Variants in GABPB1 observed in about 807,000 individuals in gnomAD.
GABPB1 encodes the protein GA binding protein transcription factor subunit beta 1.
GABPB1 carries 15 observed loss-of-function variants against 45.9 expected under a neutral mutation model. The observed-to-expected ratio is 0.33, with a 90% CI of 0.22 to 0.50. The LOEUF is 0.50. GABPB1 is among the 20% of genes least tolerant of loss of function. The pLI, the probability that GABPB1 is intolerant of heterozygous loss-of-function variation, is 0.98. For missense variants in GABPB1, 252 were observed against 457.5 expected (o/e 0.55, Z 4.10); for synonymous variants, 143 against 154.4 (o/e 0.93, Z 0.55).
intron 1 of GABPB1, among the ~76,000 whole-genome samples, chr15:50,310,933 T>C (rs533305174): frequency 1.0e-4 from 15 of 148,204 alleles, no homozygotes; most frequent in African/African-American, 3.3e-4. Context: ...GCCGAGATCA[T>C]GCCACTGCAC....
intron 1 of GABPB1, chr15:50,353,411 G>A (rs2048934568): frequency 6.6e-6 from 1 of 151,928 alleles, no homozygotes; most frequent in East Asian, 1.9e-4. Flanking sequence ...AAAAAAGTAT[G>A]AGTGTACAGT....
At chr15:50,295,619 C>CA (rs11356695) in intron 6 of GABPB1, among the ~76,000 whole-genome samples, 26,516 of 136,124 alleles carry the variant, frequency 0.19, 2,489 homozygotes, top group Middle Eastern at 0.24. Flanking sequence ...CTGTAATTCC[C>CA]AAAAAAAAAA....
chr15:50,320,606 A>T (rs1363769548), intron 1 of GABPB1, among the ~76,000 whole-genome samples: 1 of 152,216 alleles, frequency 6.6e-6, no homozygotes, highest in African/African-American at 2.4e-5. Flanking sequence ...GATCCTGTGA[A>T]TATGCTACCT....
chr15:50,289,520 A>C lies in GABPB1; in HGVS notation c.846T>G (p.Gly282=). ...CTGGCATGGTCACAATGATGGGCTG[A>C]CCAATTCCACTGGTTGGAATAGAGT... ...NLHSIPTSGI[G]QPIIVTMPDG... Residue 282 remains glycine (G), a synonymous_variant, in exon 7 of 9, where the codon GGT becomes GGG. Transcript: ENST00000380877. The C allele has an allele frequency of 3.1e-6, 5 of 1,613,442 alleles. No homozygotes were observed. Among genetic ancestry groups the C allele is most frequent in the Non-Finnish European group, 4.2e-6 (5 of 1,179,680 alleles).
chr15:50,283,151 A>G (rs1442306318), intron 8 of GABPB1, among the ~76,000 whole-genome samples: 1 of 152,238 alleles, frequency 6.6e-6, no homozygotes, highest in Non-Finnish European at 1.5e-5. Flanking sequence ...AGTAAGTAAT[A>G]GAAATCTGTT....
intron 8 of GABPB1, among the ~76,000 whole-genome samples, chr15:50,284,851 TGTTA>T (rs1209043130): frequency 2.6e-5 from 4 of 152,254 alleles, no homozygotes; most frequent in African/African-American, 7.2e-5. Flanking sequence ...ATGGAAAAAT[TGTTA>T]GTTTGTGAAT....
Position 50,355,166 on chromosome 15 carries a change from C to G in GABPB1, c.-182G>C, listed in dbSNP as rs894550970. 6.5e-6 allele frequency: 1 copy of G among 153,220 alleles called. No homozygotes were observed. The allele number at this position is 153,220 out of a possible 1,614,324, so 9.5% of individuals were successfully genotyped here. ...GCCCAAAATCCCCACCGAAAAGTCC[C>G]CCGTGCTGCGCGCGGAGGGACACAT... On this transcript the variant is annotated 5_prime_UTR_variant, in exon 1 of 9. Transcript: ENST00000380877.
intron 1 of GABPB1, chr15:50,327,100 G>A (rs532318368): frequency 6.6e-6 from 1 of 152,114 alleles, no homozygotes. Context: ...GGCTTGAAAA[G>A]AGTGCAAGTA....
At chr15:50,301,125 G>C in intron 5 of GABPB1, 132 bp downstream of exon 5, 1 of 1,281,908 alleles carries the variant, frequency 7.8e-7, no homozygotes, top group Non-Finnish European at 1.1e-6. Context: ...GTGGCTGATA[G>C]AATCTTACCC....
At chr15:50,300,694 C>T in intron 6 of GABPB1, 95 bp downstream of exon 6, 1 of 738,246 alleles carries the variant, frequency 1.4e-6, no homozygotes, top group South Asian at 1.5e-5. Context: ...ATCCACCCGC[C>T]TCGCCCTCCC....
chr15:50,350,366 G>A (rs553913478), intron 1 of GABPB1: 1 of 145,174 alleles, frequency 6.9e-6, no homozygotes, highest in African/African-American at 2.6e-5. Context: ...ACTGCATCTA[G>A]TATGCTCACA....
At chr15:50,335,849 T>A (rs1008553594) in intron 1 of GABPB1, among the ~76,000 whole-genome samples, 1 of 133,188 alleles carries the variant, frequency 7.5e-6, no homozygotes. Flanking sequence ...TGAGCCGAGA[T>A]CATGGTGCTG....
intron 1 of GABPB1, among the ~76,000 whole-genome samples, chr15:50,336,636 T>C (rs1347191084): frequency 2.0e-5 from 3 of 151,300 alleles, no homozygotes; most frequent in Non-Finnish European, 4.4e-5. Flanking sequence ...TGAGCCATGT[T>C]CATGCCACTG....
chr15:50,300,682 C>A, intron 6 of GABPB1, 107 bp downstream of exon 6: 1 of 673,914 alleles, frequency 1.5e-6, no homozygotes. Flanking sequence ...TGAGCTCAGG[C>A]AATCCACCCG....
intron 6 of GABPB1, among the ~76,000 whole-genome samples, chr15:50,297,293 A>C (rs1461772434): frequency 6.7e-6 from 1 of 150,034 alleles, no homozygotes; most frequent in Non-Finnish European, 1.5e-5. Flanking sequence ...GCTCACTGCA[A>C]CCTCTGCCTC....
intron 1 of GABPB1, among the ~76,000 whole-genome samples, chr15:50,322,371 T>C (rs907829829): frequency 1.8e-4 from 23 of 130,244 alleles, no homozygotes; most frequent in African/African-American, 6.3e-4. Context: ...CTGGCCAACA[T>C]GGTGAAAAAT....
intron 6 of GABPB1, among the ~76,000 whole-genome samples, chr15:50,295,643 T>C (rs1381377247): frequency 6.6e-6 from 1 of 152,130 alleles, no homozygotes; most frequent in Non-Finnish European, 1.5e-5. Context: ...GCTTTCACTT[T>C]TTTGTCTATT....
chr15:50,305,907 G>C (rs1424103611), intron 2 of GABPB1, among the ~76,000 whole-genome samples: 4 of 151,878 alleles, frequency 2.6e-5, no homozygotes, highest in Non-Finnish European at 5.9e-5. Context: ...TCAGCCTCCC[G>C]AAGTGCTGGG....
intron 5 of GABPB1, 104 bp downstream of exon 5, chr15:50,301,153 T>C (rs2046727915): frequency 6.8e-7 from 1 of 1,472,384 alleles, no homozygotes; most frequent in African/African-American, 1.4e-5. Context: ...CCAACCGTCC[T>C]TTCTTACAAG....
Sources: gnomAD v4.1 joint callset for allele counts (sites outside exome capture counted in the v4.1 genomes callset) on GRCh38, gnomAD v4.1.1 for gene constraint, MANE v1.5 for transcripts, NCBI Gene and HGNC (gene_info 2026-07-23, HGNC 2026-07-21) for gene names.